LRP1B: variants seen among roughly 807,000 people sequenced by gnomAD.
LRP1B encodes the protein LDL receptor related protein 1B.
A neutral mutation model predicts 556.6 loss-of-function variants in LRP1B; 217 were observed. The observed-to-expected ratio is 0.39, with a 90% CI of 0.35 to 0.44. The LOEUF is 0.44. Ranked by LOEUF, LRP1B falls within the 20% of genes least tolerant of loss-of-function variation. The pLI, the probability that LRP1B is intolerant of heterozygous loss-of-function variation, is 1.00. For missense variants in LRP1B, 5,053 were observed against 5,620.8 expected (o/e 0.90, Z 3.23); for synonymous variants, 2,047 against 1,865.8 (o/e 1.10, Z -2.50).
At chr2:141,242,524 A>G (rs930006922) in intron 5 of LRP1B, among the ~76,000 whole-genome samples, 1 of 152,120 alleles carries the variant, frequency 6.6e-6, no homozygotes, top group East Asian at 1.9e-4. Flanking sequence ...TAAGAGTCTC[A>G]TTGCCTCAAT....
intron 1 of LRP1B, among the ~76,000 whole-genome samples, chr2:142,048,666 A>G (rs577732042): frequency 6.6e-6 from 1 of 152,036 alleles, no homozygotes; most frequent in Non-Finnish European, 1.5e-5. Flanking sequence ...TAAAAATTGC[A>G]TTTTATAGCA....
At chr2:140,888,792 C>T (rs900137747) in intron 23 of LRP1B, among the ~76,000 whole-genome samples, 3 of 151,390 alleles carry the variant, frequency 2.0e-5, no homozygotes, top group South Asian at 2.1e-4. Flanking sequence ...GGTGAAACCC[C>T]GTCTCTACTA....
At chr2:140,856,044 CTATG>C (rs1692608041) in intron 27 of LRP1B, among the ~76,000 whole-genome samples, 1 of 152,166 alleles carries the variant, frequency 6.6e-6, no homozygotes, top group Admixed American at 6.6e-5. Context: ...ATTGCTATGG[CTATG>C]TATCTGGTAC....
intron 43 of LRP1B, among the ~76,000 whole-genome samples, chr2:140,574,257 T>G (rs1422670041): frequency 1.3e-5 from 2 of 152,158 alleles, no homozygotes; most frequent in East Asian, 3.8e-4. Flanking sequence ...TTAAAACTAT[T>G]TATTAAAAAT....
intron 1 of LRP1B, among the ~76,000 whole-genome samples, chr2:141,817,293 C>A (rs1378818577): frequency 6.6e-6 from 1 of 151,930 alleles, no homozygotes; most frequent in Non-Finnish European, 1.5e-5. Flanking sequence ...ACTTACATGC[C>A]TAAGGAAGAA....
chr2:140,395,608 A>T (rs1394538524), intron 66 of LRP1B, among the ~76,000 whole-genome samples: 1 of 152,148 alleles, frequency 6.6e-6, no homozygotes, highest in Non-Finnish European at 1.5e-5. Context: ...TTGTTTCTGA[A>T]TTGTTATTTT....
chr2:140,397,241 G>T (rs1257529844), intron 66 of LRP1B, among the ~76,000 whole-genome samples: 2 of 151,974 alleles, frequency 1.3e-5, no homozygotes, highest in Admixed American at 1.3e-4. Flanking sequence ...TGTTGCACAG[G>T]TACACGTGTG....
At chr2:140,523,708 G>A (rs1056059467) in intron 49 of LRP1B, among the ~76,000 whole-genome samples, 2 of 151,658 alleles carry the variant, frequency 1.3e-5, no homozygotes, top group African/African-American at 4.8e-5. Context: ...AAAATCAGTA[G>A]CATTACTATA....
At chr2:141,929,692 A>G (rs896798268) in intron 1 of LRP1B, among the ~76,000 whole-genome samples, 1 of 152,020 alleles carries the variant, frequency 6.6e-6, no homozygotes, top group Non-Finnish European at 1.5e-5. Flanking sequence ...AATCTCAGGT[A>G]TGCTCTGGCT....
At chr2:141,480,221 CATA>C (rs1237766443) in intron 3 of LRP1B, 172 bp downstream of exon 3, 1 of 660,940 alleles carries the variant, frequency 1.5e-6, no homozygotes, top group African/African-American at 1.8e-5. Flanking sequence ...TTTGCTCAAA[CATA>C]ATACTTGCAG....
chr2:141,524,492 G>A (rs778881020), intron 2 of LRP1B, among the ~76,000 whole-genome samples: 6 of 151,976 alleles, frequency 3.9e-5, no homozygotes, highest in Non-Finnish European at 7.4e-5. Flanking sequence ...GGCCACATGC[G>A]GCCCAGGACA....
At chr2:141,422,623 T>C (rs975110707) in intron 3 of LRP1B, among the ~76,000 whole-genome samples, 8 of 152,226 alleles carry the variant, frequency 5.3e-5, no homozygotes, top group Non-Finnish European at 1.0e-4. Context: ...CTTTTATCTA[T>C]AACTTTTAAG....
intron 41 of LRP1B, among the ~76,000 whole-genome samples, chr2:140,693,524 G>C (rs920838133): frequency 2.0e-4 from 30 of 152,054 alleles, no homozygotes; most frequent in African/African-American, 6.8e-4. Flanking sequence ...AGATAATTTG[G>C]GATAATTTTC....
chr2:140,592,451 T>A (rs1248385439), intron 43 of LRP1B, among the ~76,000 whole-genome samples: 1 of 152,120 alleles, frequency 6.6e-6, no homozygotes, highest in Non-Finnish European at 1.5e-5. Flanking sequence ...ATTTCCTTTT[T>A]TTTTTTAGAA....
intron 82 of LRP1B, among the ~76,000 whole-genome samples, chr2:140,317,021 G>A (rs375919318): frequency 6.6e-5 from 10 of 152,176 alleles, no homozygotes; most frequent in East Asian, 5.8e-4. Flanking sequence ...GAGCTCCGGC[G>A]GAATACCATC....
chr2:140,429,302 G>C (rs537605841), intron 66 of LRP1B, among the ~76,000 whole-genome samples: 8 of 152,128 alleles, frequency 5.3e-5, no homozygotes, highest in South Asian at 4.2e-4. Flanking sequence ...AAATTGTTTT[G>C]CCTATCCACC....
chr2:141,718,571 G>A (rs542391922), intron 2 of LRP1B, among the ~76,000 whole-genome samples: 21 of 152,080 alleles, frequency 1.4e-4, no homozygotes, highest in South Asian at 1.0e-3. Flanking sequence ...TTTTTTGTTC[G>A]TCTTCATAGT....
At chr2:141,679,719 T>C (rs978980867) in intron 2 of LRP1B, among the ~76,000 whole-genome samples, 1 of 152,028 alleles carries the variant, frequency 6.6e-6, no homozygotes, top group African/African-American at 2.4e-5. Flanking sequence ...ATAAATAAAT[T>C]TTGATATATT....
intron 7 of LRP1B, among the ~76,000 whole-genome samples, chr2:141,150,841 C>T (rs1701903143): frequency 6.9e-6 from 1 of 145,942 alleles, no homozygotes; most frequent in Non-Finnish European, 1.5e-5. Flanking sequence ...TCTTCATTTG[C>T]AGATGGCCTT....
Sources: allele counts gnomAD v4.1 joint callset (sites outside exome capture counted in the v4.1 genomes callset), GRCh38; gene constraint gnomAD v4.1.1; transcripts MANE v1.5; gene names NCBI Gene and HGNC (gene_info 2026-07-23, HGNC 2026-07-21).